PIK3CA: variants seen among roughly 807,000 people sequenced by gnomAD.
The protein encoded by PIK3CA is phosphatidylinositol 4,5-bisphosphate 3-kinase catalytic subunit alpha isoform.
Under a neutral mutation model 138.2 loss-of-function variants are expected in PIK3CA, and 27 were observed. The ratio of observed to expected loss-of-function variants is 0.20; its 90% CI spans 0.14 to 0.27. PIK3CA has a LOEUF of 0.27. PIK3CA is among the 10% of genes least tolerant of loss of function. The pLI is 1.00. For synonymous variants in PIK3CA, 358 were observed against 413.2 expected (o/e 0.87, Z 1.62); for missense variants, 544 against 1,277.4 (o/e 0.43, Z 8.75).
intron 1 of PIK3CA, among the ~76,000 whole-genome samples, chr3:179,158,800 C>G (rs969645235): frequency 6.6e-6 from 1 of 152,018 alleles, no homozygotes; most frequent in Non-Finnish European, 1.5e-5. Flanking sequence ...CTTTAATTAC[C>G]AAACAGCTAT....
chr3:179,207,162 A>T (rs6765953), intron 6 of PIK3CA, among the ~76,000 whole-genome samples: 12,128 of 152,228 alleles, frequency 0.08, 509 homozygotes, highest in African/African-American at 0.1. Context: ...AGTAGATTTT[A>T]AAAATTCTTA....
chr3:179,149,129 A>AT (rs1334526042), intron 1 of PIK3CA, among the ~76,000 whole-genome samples: 2 of 152,046 alleles, frequency 1.3e-5, no homozygotes, highest in Non-Finnish European at 2.9e-5. Context: ...CGGCAGGGGT[A>AT]TGGAAGGAAC....
In PIK3CA at chr3:179,197,398, TG is replaced by T. The variant is rs534302601; in HGVS notation, c.-76-1351del. ...ATGGGAAACCATCCCACCCCAAACT[TG>T]ATGACCGCATTATGTGCTTTTATAG... On this transcript the variant is annotated intron_variant, in intron 1 of 20. Coordinates refer to ENST00000263967, the MANE Select transcript of PIK3CA (RefSeq NM_006218.4). Among the ~76,000 whole-genome samples the T allele has an allele frequency of 7.4e-4, 113 of 152,290 alleles. 1 individual carries two copies. The highest frequency in any genetic ancestry group is 2.3e-3 in the African/African-American group (94 of 41,548).
Position 179,199,677 on chromosome 3 carries a change from A to T in PIK3CA, c.353-13A>T, listed in dbSNP as rs2108387053. The T allele has an allele frequency of 6.4e-7, 1 of 1,570,920 alleles. No homozygotes were observed. The highest frequency in any genetic ancestry group is 8.8e-7 in the Non-Finnish European group (1 of 1,141,546). On this transcript the variant is annotated splice_polypyrimidine_tract_variant and intron_variant, in intron 2 of 20. Transcript: ENST00000263967. ...TAATAGAATGTTATATTCTTTATGT[A>T]ATTTTATTAAAGGTTTTGCTATCGG...
intron 1 of PIK3CA, among the ~76,000 whole-genome samples, chr3:179,198,260 G>A (rs995610441): frequency 2.0e-5 from 3 of 152,180 alleles, no homozygotes; most frequent in Non-Finnish European, 4.4e-5. Context: ...GTTGAGGGCA[G>A]GGAGTGAAAA....
intron 1 of PIK3CA, among the ~76,000 whole-genome samples, chr3:179,164,751 T>G (rs1446121612): frequency 2.6e-5 from 4 of 151,850 alleles, no homozygotes; most frequent in Non-Finnish European, 5.9e-5. Context: ...TACCTGTAAT[T>G]CCAGCTACTC....
intron 1 of PIK3CA, among the ~76,000 whole-genome samples, chr3:179,152,560 A>G (rs965631303): frequency 1.3e-5 from 2 of 152,196 alleles, no homozygotes; most frequent in Non-Finnish European, 2.9e-5. Context: ...GGTGATTACT[A>G]TTCAACAGAG....
At chr3:179,181,540 CTAAT>C (rs990779087) in intron 1 of PIK3CA, among the ~76,000 whole-genome samples, 1 of 152,068 alleles carries the variant, frequency 6.6e-6, no homozygotes, top group Non-Finnish European at 1.5e-5. Context: ...AACAAATTAA[CTAAT>C]TGTTTTAATT....
At chr3:179,211,420 C>T (rs537564132) in intron 9 of PIK3CA, among the ~76,000 whole-genome samples, 1 of 152,146 alleles carries the variant, frequency 6.6e-6, no homozygotes, top group Non-Finnish European at 1.5e-5. Flanking sequence ...CCTGTAATCC[C>T]AGCACTTTGG....
intron 1 of PIK3CA, among the ~76,000 whole-genome samples, chr3:179,158,282 A>G (rs1040301651): frequency 6.6e-5 from 10 of 152,186 alleles, no homozygotes; most frequent in African/African-American, 2.4e-4. Flanking sequence ...GGAAGTTAGC[A>G]TATGGATATT....
intron 14 of PIK3CA, among the ~76,000 whole-genome samples, chr3:179,221,888 A>C (rs1724976865): frequency 6.6e-6 from 1 of 151,642 alleles, no homozygotes; most frequent in Non-Finnish European, 1.5e-5. Context: ...TTGTATTTTT[A>C]GTAGAGACAG....
chr3:179,169,624 T>G (rs1560126636), intron 1 of PIK3CA, among the ~76,000 whole-genome samples: 1 of 152,242 alleles, frequency 6.6e-6, no homozygotes, highest in Non-Finnish European at 1.5e-5. Flanking sequence ...GCAGCAACTA[T>G]TGTACTTAAG....
intron 9 of PIK3CA, among the ~76,000 whole-genome samples, chr3:179,213,109 G>C (rs1246662239): frequency 6.6e-6 from 1 of 152,102 alleles, no homozygotes; most frequent in Non-Finnish European, 1.5e-5. Context: ...GAGGATTTGT[G>C]GGGAAAAGGC....
rs1383467475 is a variant in PIK3CA at position 179,225,943 on chromosome 3, C to T, written c.2417-19C>T. 3.9e-6 allele frequency: 5 copies of T among 1,293,882 alleles called. No homozygotes were observed. In the African/African-American group the frequency reaches 4.4e-5, roughly 11 times the overall value. 80.2% of individuals were successfully genotyped at this position (1,293,882 alleles called of 1,614,324 possible). On this transcript the variant is annotated intron_variant, in intron 16 of 20. Transcript: ENST00000263967. The stretch of plus-strand genomic sequence containing the variant: ...GCATCTGTGGCATTAAATGGTGATA[C>T]ATATTATTTGAATTTCAGATTTACG...
intron 1 of PIK3CA, among the ~76,000 whole-genome samples, chr3:179,162,669 GA>G (rs141471157): frequency 1.9e-4 from 29 of 151,890 alleles, no homozygotes; most frequent in African/African-American, 7.0e-4. Context: ...TAGAAAACGG[GA>G]AAAAAACCCA....
Position 179,201,393 on chromosome 3 carries a change from T to G in PIK3CA, c.666T>G (p.Ala222=), listed in dbSNP as rs2108389658. 1.9e-6 allele frequency: 3 copies of G among 1,613,806 alleles called. No homozygotes were observed. The highest frequency in any genetic ancestry group is 2.5e-6 in the Non-Finnish European group (3 of 1,179,888). The change falls in exon 4 of 21, where the codon GCT becomes GCG. Residue 222 remains alanine, a synonymous_variant. Transcript: ENST00000263967. ...ACTGTGTACCAGAACAAGTAATTGC[T>G]GAAGCAATCAGGAAAAAAACTCGAA... is the stretch of plus-strand genomic sequence containing the variant. ...NHDCVPEQVI[A]EAIRKKTRSM...
intron 9 of PIK3CA, among the ~76,000 whole-genome samples, chr3:179,213,413 G>A (rs1219264713): frequency 1.3e-5 from 2 of 152,222 alleles, no homozygotes; most frequent in African/African-American, 4.8e-5. Flanking sequence ...GCTCAAAAAT[G>A]CTGATGATCA....
chr3:179,148,799 G>A lies in PIK3CA; in HGVS notation c.-77+196G>A, dbSNP rs869312615. Among the ~76,000 whole-genome samples, 2 of 152,162 alleles carry A rather than the reference G, an allele frequency of 1.3e-5. No individual in the cohort carries two copies. Among genetic ancestry groups the A allele is most frequent in the Non-Finnish European group, 2.9e-5 (2 of 67,994 alleles). On this transcript the variant is annotated intron_variant, in intron 1 of 20. Coordinates refer to ENST00000263967, the MANE Select transcript of PIK3CA (RefSeq NM_006218.4). ...CTGCCTCTGGCCTCTCCTAGCTGCA[G>A]AGGCGAGGGCTCGCCGCTCCCTCTC...
In PIK3CA at chr3:179,229,896, G is replaced by C. The variant is rs41265402; in HGVS notation, c.2667-108G>C. On this transcript the variant is annotated intron_variant, in intron 18 of 20. Transcript: ENST00000263967. Reference sequence around the variant, plus strand: ...GACATAATTTCCTTATTCGTTGTCAGTGATTGTTTTCATTGTTTAAATGGA... The same window carrying C: ...GACATAATTTCCTTATTCGTTGTCACTGATTGTTTTCATTGTTTAAATGGA... The C allele has an allele frequency of 0.05, 32,839 of 660,562 alleles. 969 individuals are homozygous for C. The highest frequency in any genetic ancestry group is 0.057 in the Non-Finnish European group (22,268 of 388,110). The allele number at this position is 660,562 out of a possible 1,614,324, so 40.9% of individuals were successfully genotyped here.
Sources: gnomAD v4.1 joint callset for allele counts (sites outside exome capture counted in the v4.1 genomes callset) on GRCh38, gnomAD v4.1.1 for gene constraint, MANE v1.5 for transcripts, NCBI Gene and HGNC (gene_info 2026-07-23, HGNC 2026-07-21) for gene names.